The following OPCML variants were observed in gnomAD, a reference collection of about 807,000 sequenced individuals.
OPCML encodes the protein opioid binding protein/cell adhesion molecule like, also known as opioid-binding protein/cell adhesion molecule.
In OPCML, 13 loss-of-function variants were observed where a neutral mutation model predicts 37.8. That is an observed-to-expected ratio of 0.34 (90% CI 0.22 to 0.55). The LOEUF is 0.55. Among genes scored for constraint, OPCML ranks in the 20% least tolerant of loss-of-function variants. The probability of loss-of-function intolerance (pLI) is 0.91; values close to 1 mark genes in which losing one functional copy is unlikely to be tolerated. For missense variants in OPCML, 341 were observed against 435.6 expected (o/e 0.78, Z 1.93); for synonymous variants, 176 against 168.8 (o/e 1.04, Z -0.33).
intron 1 of OPCML, among the ~76,000 whole-genome samples, chr11:133,149,359 A>G (rs1949942200): frequency 6.6e-6 from 1 of 152,148 alleles, no homozygotes; most frequent in African/African-American, 2.4e-5. Context: ...TCACCCATAT[A>G]TTTCCCCCTG....
chr11:132,696,201 G>A (rs1292002989), intron 2 of OPCML, among the ~76,000 whole-genome samples: 1 of 152,162 alleles, frequency 6.6e-6, no homozygotes, highest in Admixed American at 6.5e-5. Context: ...GTTAAGAAAT[G>A]TGCCACCTGC....
intron 4 of OPCML, among the ~76,000 whole-genome samples, chr11:132,438,652 G>C (rs535999852): frequency 6.6e-6 from 1 of 151,040 alleles, no homozygotes; most frequent in South Asian, 2.1e-4. Context: ...GGTGTCCAGG[G>C]TATAGGGTGT....
chr11:132,589,429 G>C (rs1194327314), intron 3 of OPCML, among the ~76,000 whole-genome samples: 1 of 152,158 alleles, frequency 6.6e-6, no homozygotes, highest in African/African-American at 2.4e-5. Flanking sequence ...ATCTAGCTGA[G>C]ATTAACTGAA....
intron 2 of OPCML, among the ~76,000 whole-genome samples, chr11:132,673,212 A>G (rs1462815313): frequency 6.6e-6 from 1 of 152,158 alleles, no homozygotes; most frequent in Non-Finnish European, 1.5e-5. Flanking sequence ...TCCGCTCATG[A>G]CTTGGTCTTG....
chr11:133,215,462 C>T (rs1394431469), intron 1 of OPCML, among the ~76,000 whole-genome samples: 1 of 152,286 alleles, frequency 6.6e-6, no homozygotes, highest in East Asian at 1.9e-4. Context: ...AAGTCATTTG[C>T]CCAATTTCTC....
intron 1 of OPCML, among the ~76,000 whole-genome samples, chr11:133,355,023 C>T (rs758726204): frequency 5.3e-5 from 8 of 152,324 alleles, no homozygotes; most frequent in South Asian, 2.1e-4. Context: ...GGTGCACAAA[C>T]GTCTTACTAA....
intron 1 of OPCML, among the ~76,000 whole-genome samples, chr11:133,432,262 G>T (rs1022213083): frequency 5.3e-5 from 8 of 152,144 alleles, no homozygotes; most frequent in African/African-American, 1.9e-4. Context: ...AGAGAAATCA[G>T]TTCTTAGTCT....
chr11:132,666,050 C>T (rs1343263133), intron 2 of OPCML, among the ~76,000 whole-genome samples: 2 of 152,160 alleles, frequency 1.3e-5, no homozygotes, highest in Non-Finnish European at 2.9e-5. Context: ...TCATGAAGCT[C>T]GCAGATTTGA....
intron 1 of OPCML, among the ~76,000 whole-genome samples, chr11:133,397,414 T>C (rs993389166): frequency 2.0e-5 from 3 of 152,208 alleles, no homozygotes; most frequent in Admixed American, 6.5e-5. Flanking sequence ...GACGAACAGA[T>C]AGATGTACAG....
chr11:132,500,464 T>C (rs2096243171), intron 4 of OPCML, among the ~76,000 whole-genome samples: 1 of 152,208 alleles, frequency 6.6e-6, no homozygotes, highest in Non-Finnish European at 1.5e-5. Context: ...CAACTTCCAG[T>C]AGGAGCCAGA....
chr11:133,072,306 G>C (rs1948551339), intron 1 of OPCML, among the ~76,000 whole-genome samples: 1 of 152,148 alleles, frequency 6.6e-6, no homozygotes, highest in Admixed American at 6.5e-5. Context: ...AACCTACTGT[G>C]ACAATCACTC....
At chr11:132,942,038 T>C (rs543264408) in intron 2 of OPCML, among the ~76,000 whole-genome samples, 1 of 152,310 alleles carries the variant, frequency 6.6e-6, no homozygotes, top group Admixed American at 6.5e-5. Context: ...TCGCCCTGTG[T>C]ACATTGTGAG....
At chr11:133,008,208 G>A (rs1947149021) in intron 1 of OPCML, 1 of 985,280 alleles carries the variant, frequency 1.0e-6, no homozygotes, top group Admixed American at 6.2e-5. Flanking sequence ...ACAGAATTAA[G>A]CTCAGACCCT....
intron 1 of OPCML, among the ~76,000 whole-genome samples, chr11:133,022,644 G>A (rs1947475579): frequency 6.6e-6 from 1 of 152,098 alleles, no homozygotes; most frequent in Admixed American, 6.5e-5. Context: ...CAGAAGTCCA[G>A]ATAAATATTC....
chr11:132,985,106 T>C (rs760104668), intron 1 of OPCML, among the ~76,000 whole-genome samples: 1 of 152,210 alleles, frequency 6.6e-6, no homozygotes, highest in Non-Finnish European at 1.5e-5. Context: ...CCACTGCAAC[T>C]TCCCTAGCCA....
At chr11:133,003,928 A>C (rs1947057695) in intron 1 of OPCML, 1 of 985,304 alleles carries the variant, frequency 1.0e-6, no homozygotes, top group Non-Finnish European at 1.2e-6. Context: ...TTCTGGTCAC[A>C]CAGGCTGGCA....
chr11:133,531,604 G>A (rs1948605277), intron 1 of OPCML, among the ~76,000 whole-genome samples: 1 of 152,116 alleles, frequency 6.6e-6, no homozygotes, highest in Non-Finnish European at 1.5e-5. Context: ...TAGAGGGCCT[G>A]TGTTACAACA....
chr11:132,671,091 C>T (rs956084202), intron 2 of OPCML, among the ~76,000 whole-genome samples: 1 of 152,116 alleles, frequency 6.6e-6, no homozygotes, highest in Non-Finnish European at 1.5e-5. Context: ...CTGAACAAAA[C>T]CTTATTTGAG....
intron 1 of OPCML, among the ~76,000 whole-genome samples, chr11:133,054,715 C>T (rs553344267): frequency 6.6e-6 from 1 of 152,346 alleles, no homozygotes; most frequent in Non-Finnish European, 1.5e-5. Flanking sequence ...GTCCAACTGC[C>T]TCTTCTCAGC....
Sources: allele counts gnomAD v4.1 joint callset (sites outside exome capture counted in the v4.1 genomes callset), GRCh38; gene constraint gnomAD v4.1.1; transcripts MANE v1.5; gene names NCBI Gene and HGNC (gene_info 2026-07-23, HGNC 2026-07-21).